RGS8: variants seen among roughly 807,000 people sequenced by gnomAD.
RGS8 encodes the protein regulator of G-protein signaling 8.
In RGS8, 8 loss-of-function variants were observed where a neutral mutation model predicts 21.7. That is an observed-to-expected ratio of 0.37 (90% CI 0.22 to 0.66). The LOEUF is 0.66. Ranked by LOEUF, RGS8 falls within the 30% of genes least tolerant of loss-of-function variation. The pLI, the probability that RGS8 is intolerant of heterozygous loss-of-function variation, is 0.59. For missense variants in RGS8, 157 were observed against 217.9 expected, an observed-to-expected ratio of 0.72 and a Z score of 1.76; for synonymous variants, 80 against 83.6, an observed-to-expected ratio of 0.96 and a Z score of 0.24.
the RGS8 span, among the ~76,000 whole-genome samples, chr1:182,750,227 C>G: frequency 6.6e-6 from 1 of 152,266 alleles, no homozygotes; most frequent in Admixed American, 6.5e-5. Flanking sequence ...AAAACTGGAA[C>G]TGGTCAGTGA....
At chr1:182,700,028 G>T in the RGS8 span, among the ~76,000 whole-genome samples, 1 of 152,200 alleles carries the variant, frequency 6.6e-6, no homozygotes, top group Non-Finnish European at 1.5e-5. Flanking sequence ...CCCGAGCTCG[G>T]GATCCAGGGC....
the RGS8 span, among the ~76,000 whole-genome samples, chr1:182,729,868 A>C: frequency 6.6e-6 from 1 of 152,246 alleles, no homozygotes; most frequent in Admixed American, 6.5e-5. Context: ...TCCTCAGAAG[A>C]AAGAACGAAC....
At chr1:182,698,250 A>G in the RGS8 span, among the ~76,000 whole-genome samples, 1 of 152,160 alleles carries the variant, frequency 6.6e-6, no homozygotes, top group African/African-American at 2.4e-5. Context: ...TCATCTGGTC[A>G]TTGCTTGATT....
chr1:182,693,708 A>G, the RGS8 span, among the ~76,000 whole-genome samples: 3 of 152,236 alleles, frequency 2.0e-5, no homozygotes, highest in Admixed American at 6.5e-5. Context: ...TAGCAAAGAC[A>G]TGGAATTAAC....
At chr1:182,715,940 A>C in the RGS8 span, among the ~76,000 whole-genome samples, 1 of 152,152 alleles carries the variant, frequency 6.6e-6, no homozygotes, top group Non-Finnish European at 1.5e-5. Context: ...AGGTTCTTTC[A>C]TATCCAAGGG....
chr1:182,670,530 T>C (rs1204305819), intron 2 of RGS8, among the ~76,000 whole-genome samples: 8 of 152,120 alleles, frequency 5.3e-5, no homozygotes, highest in Non-Finnish European at 4.4e-5. Context: ...AGACCTCTGA[T>C]AGGAAGAAAC....
chr1:182,648,425 C>T, intron 5 of RGS8, 122 bp from the exon 7 acceptor site: 5 of 992,274 alleles, frequency 5.0e-6, no homozygotes, highest in Non-Finnish European at 6.0e-6. Context: ...CACTGCTCCT[C>T]CACACCCTCT....
At chr1:182,672,865 C>T, upstream of RGS8, 1 of 1,613,928 alleles carries the variant, frequency 6.2e-7, no homozygotes, top group Non-Finnish European at 8.5e-7. Context: ...AAGGAGGACT[C>T]TCTTCCTGCT....
At chr1:182,644,497 C>T (rs1005729903), downstream of RGS8, 1 of 152,232 alleles carries the variant, frequency 6.6e-6, no homozygotes, top group South Asian at 2.1e-4. Context: ...GAGGAAGTCA[C>T]CAGGGCGCCA....
chr1:182,717,064 C>T, the RGS8 span, among the ~76,000 whole-genome samples: 1 of 152,180 alleles, frequency 6.6e-6, no homozygotes, highest in East Asian at 1.9e-4. Flanking sequence ...ATATGAGTGG[C>T]TCTCATTACT....
At chr1:182,743,530 A>C in the RGS8 span, among the ~76,000 whole-genome samples, 2 of 152,188 alleles carry the variant, frequency 1.3e-5, no homozygotes, top group Non-Finnish European at 2.9e-5. Flanking sequence ...ATAATAACTC[A>C]TAGATATTAT....
the RGS8 span, among the ~76,000 whole-genome samples, chr1:182,693,340 T>C: frequency 6.6e-6 from 1 of 152,276 alleles, no homozygotes; most frequent in East Asian, 1.9e-4. Context: ...AAAGAAGACA[T>C]ACACATGGCT....
the RGS8 span, among the ~76,000 whole-genome samples, chr1:182,706,205 A>C: frequency 1.6e-3 from 250 of 152,054 alleles, 1 homozygote; most frequent in African/African-American, 5.8e-3. Flanking sequence ...GGCTGGTCTC[A>C]AACTCCTGGA....
chr1:182,669,093 T>G (rs1343851957), intron 3 of RGS8, among the ~76,000 whole-genome samples: 1 of 152,246 alleles, frequency 6.6e-6, no homozygotes, highest in Non-Finnish European at 1.5e-5. Context: ...ACAACTGTGA[T>G]TCTCCCAAAT....
intron 5 of RGS8, 139 bp from the exon 7 acceptor site, chr1:182,648,442 C>T: frequency 1.2e-6 from 1 of 850,550 alleles, no homozygotes; most frequent in Non-Finnish European, 1.8e-6. Flanking sequence ...CTCTTGAAGA[C>T]CCCATTCTCA....
At chr1:182,707,760 G>A in the RGS8 span, among the ~76,000 whole-genome samples, 1 of 152,168 alleles carries the variant, frequency 6.6e-6, no homozygotes, top group African/African-American at 2.4e-5. Flanking sequence ...AGGCTGGAGT[G>A]CAGTGGCATG....
the RGS8 span, among the ~76,000 whole-genome samples, chr1:182,747,553 A>G: frequency 6.6e-6 from 1 of 152,224 alleles, no homozygotes; most frequent in East Asian, 1.9e-4. Context: ...CACTTCACTC[A>G]GAAATGAGCC....
At chr1:182,652,179 G>A (rs1356046833) in intron 5 of RGS8, among the ~76,000 whole-genome samples, 1 of 152,228 alleles carries the variant, frequency 6.6e-6, no homozygotes, top group Non-Finnish European at 1.5e-5. Context: ...TAATGGGAGA[G>A]TTTAAGGTTG....
At chr1:182,702,083 T>C in the RGS8 span, among the ~76,000 whole-genome samples, 16 of 152,220 alleles carry the variant, frequency 1.1e-4, no homozygotes, top group Admixed American at 9.8e-4. Flanking sequence ...TTACTGGGTA[T>C]ATACCTAAAG....
Sources: allele counts gnomAD v4.1 joint callset (sites outside exome capture counted in the v4.1 genomes callset), GRCh38; gene constraint gnomAD v4.1.1; transcripts MANE v1.5; gene names NCBI Gene and HGNC (gene_info 2026-07-23, HGNC 2026-07-21).